LRP5: variants seen among roughly 807,000 people sequenced by gnomAD.
LRP5 encodes the protein LDL receptor related protein 5.
Under a neutral mutation model 154.1 loss-of-function variants are expected in LRP5, and 62 were observed. The ratio of observed to expected loss-of-function variants is 0.40; its 90% CI spans 0.33 to 0.50. The LOEUF is 0.50. Ranked by LOEUF, LRP5 falls within the 20% of genes least tolerant of loss-of-function variation. The pLI, the probability that LRP5 is intolerant of heterozygous loss-of-function variation, is 0.55. For missense variants in LRP5, 1,915 were observed against 2,336.7 expected (o/e 0.82, Z 3.72); for synonymous variants, 966 against 1,011.5 (o/e 0.96, Z 0.85).
intron 1 of LRP5, among the ~76,000 whole-genome samples, chr11:68,344,292 A>C (rs729635): frequency 0.1 from 15,747 of 152,148 alleles, 1,098 homozygotes; most frequent in Admixed American, 0.24. Flanking sequence ...TGCAGTTATA[A>C]CATCCCATTT....
At chr11:68,361,361 G>C (rs963995147) in intron 3 of LRP5, among the ~76,000 whole-genome samples, 2 of 150,904 alleles carry the variant, frequency 1.3e-5, no homozygotes, top group African/African-American at 4.9e-5. Flanking sequence ...GTAAGGCCGG[G>C]CGTGGTGGCT....
At chr11:68,427,094 G>A (rs1461269715) in intron 16 of LRP5, among the ~76,000 whole-genome samples, 2 of 152,190 alleles carry the variant, frequency 1.3e-5, no homozygotes, top group Non-Finnish European at 2.9e-5. Context: ...CTTTAGATTA[G>A]GTTAGCCTCC....
chr11:68,394,759 C>T (rs1351636256), intron 7 of LRP5, among the ~76,000 whole-genome samples: 9 of 152,174 alleles, frequency 5.9e-5, no homozygotes, highest in East Asian at 3.9e-4. Flanking sequence ...CCACCGCGCC[C>T]GGCCCGATTT....
chr11:68,394,048 A>ATCTTACCG (rs568108732), intron 7 of LRP5, among the ~76,000 whole-genome samples: 65 of 152,280 alleles, frequency 4.3e-4, no homozygotes, highest in South Asian at 3.9e-3. Flanking sequence ...CAGCCGACCA[A>ATCTTACCG]GCTCCAATCC....
At chr11:68,427,955 A>G (rs1218897587) in intron 16 of LRP5, among the ~76,000 whole-genome samples, 1 of 75,358 alleles carries the variant, frequency 1.3e-5, no homozygotes, top group Non-Finnish European at 2.8e-5. Context: ...ATTTTATTTT[A>G]TTTTATTTTA....
chr11:68,409,134 T>C (rs1252226718), intron 9 of LRP5, among the ~76,000 whole-genome samples: 1 of 129,648 alleles, frequency 7.7e-6, no homozygotes, highest in Non-Finnish European at 1.6e-5. Context: ...TATAAAAATA[T>C]ATATTTATAA....
intron 1 of LRP5, among the ~76,000 whole-genome samples, chr11:68,332,199 A>G (rs1485156575): frequency 6.6e-6 from 1 of 152,194 alleles, no homozygotes; most frequent in Non-Finnish European, 1.5e-5. Context: ...GGAAGAGGCA[A>G]ACTGTCCTTT....
Position 68,448,804 on chromosome 11 carries a change from T to C in LRP5, c.4587-5T>C, listed in dbSNP as rs1223048976. 1 of 1,603,902 alleles carries C rather than the reference T, an allele frequency of 6.2e-7. No homozygotes were observed. Among genetic ancestry groups the C allele is most frequent in the South Asian group, 1.1e-5 (1 of 91,082 alleles). ...ATCCCACTCCTCTGTGTGTGTCCCT[T>C]TCAGGCCCTACATCATTCGAGGAAT... On this transcript the variant is annotated splice_region_variant and splice_polypyrimidine_tract_variant and intron_variant, in intron 22 of 22. Coordinates refer to ENST00000294304, the MANE Select transcript of LRP5 (RefSeq NM_002335.4).
chr11:68,375,631 G>A lies in LRP5; in HGVS notation c.1015+9929G>A, dbSNP rs1009844027. On this transcript the variant is annotated intron_variant, in intron 5 of 22. Coordinates refer to ENST00000294304, the MANE Select transcript of LRP5 (RefSeq NM_002335.4). ...GCTTCTTCCTCTTCCTGTGTCCCAC[G>A]GGACCAACATCGGGACCCAGGAAAC... 5.3e-5 allele frequency among the ~76,000 whole-genome samples: 8 copies of A among 152,316 alleles called. No homozygotes were observed. In the South Asian group the frequency reaches 6.2e-4, roughly 12 times the overall value.
At chr11:68,384,148 C>G (rs926913323) in intron 5 of LRP5, among the ~76,000 whole-genome samples, 2 of 152,164 alleles carry the variant, frequency 1.3e-5, no homozygotes, top group African/African-American at 4.8e-5. Flanking sequence ...ATTATGCACT[C>G]CGGGGCTTGG....
At chr11:68,336,416 TCATAATAGCC>T (rs907223155) in intron 1 of LRP5, among the ~76,000 whole-genome samples, 3 of 152,242 alleles carry the variant, frequency 2.0e-5, no homozygotes, top group African/African-American at 7.2e-5. Flanking sequence ...TTTTTGTAGC[TCATAATAGCC>T]CATAATATTA....
At chr11:68,324,097 G>A (rs370831476) in intron 1 of LRP5, among the ~76,000 whole-genome samples, 214 of 152,384 alleles carry the variant, frequency 1.4e-3, no homozygotes, top group African/African-American at 4.9e-3. Context: ...GCCGTCCGCT[G>A]CGTCTGCCTC....
At chr11:68,331,101 C>T (rs1712406758) in intron 1 of LRP5, among the ~76,000 whole-genome samples, 1 of 152,244 alleles carries the variant, frequency 6.6e-6, no homozygotes, top group Non-Finnish European at 1.5e-5. Flanking sequence ...CGCAGGACTT[C>T]TCAGAGCCTT....
chr11:68,366,493 C>CA (rs1565349519), intron 5 of LRP5, among the ~76,000 whole-genome samples: 1 of 152,056 alleles, frequency 6.6e-6, no homozygotes, highest in Non-Finnish European at 1.5e-5. Flanking sequence ...TTTCCTGGTC[C>CA]CCCTGTTCTT....
At chr11:68,445,256 C>T (rs1399597677) in intron 21 of LRP5, among the ~76,000 whole-genome samples, 5 of 152,230 alleles carry the variant, frequency 3.3e-5, no homozygotes, top group South Asian at 2.1e-4. Flanking sequence ...CCCGCCACCA[C>T]ACCCGGCTAA....
At position 68,448,861 on chromosome 11, in the gene LRP5, G is replaced by A. The variant is rs2098682869; in HGVS notation, c.4639G>A (p.Val1547Met). The change falls in exon 23 of 23, where the codon GTG becomes ATG. Residue 1547 changes from valine to methionine, a missense_variant. Physicochemically the swap from Val to Met is conservative, Grantham distance 21. Around this residue, in one of 3 missense-constraint regions of LRP5, gnomAD observed 1,094 missense variants for 1,210.1 expected, o/e 0.90. Transcript: ENST00000294304. ...CCCGACGACGCCCTGCAGCACCGAC[G>A]TGTGTGACAGCGACTACAGCGCCAG... ...APPTTPCSTD[V>M]CDSDYSASRW... The A allele has an allele frequency of 6.2e-6, 10 of 1,612,260 alleles. No homozygotes were observed. Among genetic ancestry groups the A allele is most frequent in the Non-Finnish European group, 8.5e-6 (10 of 1,179,996 alleles).
intron 21 of LRP5, chr11:68,445,672 T>C: frequency 7.6e-7 from 1 of 1,318,494 alleles, no homozygotes; most frequent in Non-Finnish European, 9.9e-7. Context: ...GTGCCGTCAG[T>C]GGCACTTGTG....
At chr11:68,358,330 G>A (rs1328039357) in intron 3 of LRP5, among the ~76,000 whole-genome samples, 1 of 152,114 alleles carries the variant, frequency 6.6e-6, no homozygotes, top group Non-Finnish European at 1.5e-5. Flanking sequence ...GCTCAGGCTG[G>A]TCTCAAACTC....
chr11:68,426,210 G>A, intron 16 of LRP5, 23 bp downstream of exon 16: 2 of 1,600,582 alleles, frequency 1.2e-6, no homozygotes, highest in Non-Finnish European at 8.5e-7. Flanking sequence ...TGGCAGTGGG[G>A]TGGGCAGGGT....
Sources: allele counts gnomAD v4.1 joint callset (sites outside exome capture counted in the v4.1 genomes callset), GRCh38; gene constraint gnomAD v4.1.1; regional missense constraint gnomAD v4.1.1; transcripts MANE v1.5; gene names NCBI Gene and HGNC (gene_info 2026-07-23, HGNC 2026-07-21).